Variants in DCAF8L2 observed in about 807,000 individuals in gnomAD.
DCAF8L2 encodes DDB1 and CUL4 associated factor 8 like 2, also known as DDB1- and CUL4-associated factor 8-like protein 2.
For missense variants in DCAF8L2, 430 were observed against 490.7 expected, an observed-to-expected ratio of 0.88 and a Z score of 1.17; for synonymous variants, 200 against 190.9, an observed-to-expected ratio of 1.05 and a Z score of -0.39.
the DCAF8L2 span, among the ~76,000 whole-genome samples, chrX:27,523,941 T>C: frequency 4.1e-3 from 460 of 111,739 alleles, 1 homozygote; most frequent in African/African-American, 0.014. Context: ...CGGTATTTTA[T>C]TGAGGATTTC....
intron 3 of DCAF8L2, among the ~76,000 whole-genome samples, chrX:27,701,150 A>G (rs1429672342): frequency 6.3e-5 from 7 of 111,520 alleles, no homozygotes; most frequent in Non-Finnish European, 1.3e-4. Flanking sequence ...AGTATAATTC[A>G]GGGCAGAGTT....
the DCAF8L2 span, among the ~76,000 whole-genome samples, chrX:27,551,357 C>A: frequency 3.6e-5 from 4 of 110,221 alleles, no homozygotes; most frequent in Non-Finnish European, 7.6e-5. Context: ...TTATGACTCA[C>A]CAAAGGCTGA....
chrX:27,696,148 GAGAT>G (rs2147260444), intron 3 of DCAF8L2, among the ~76,000 whole-genome samples: 1 of 106,163 alleles, frequency 9.4e-6, no homozygotes, highest in South Asian at 4.4e-4. Flanking sequence ...GCACTGAGCT[GAGAT>G]CATGCCACTG....
chrX:27,559,206 C>A, the DCAF8L2 span, among the ~76,000 whole-genome samples: 372 of 111,151 alleles, frequency 3.3e-3, 1 homozygote, highest in African/African-American at 0.011. Flanking sequence ...TATAGCATTG[C>A]GAAAAGGGAC....
intron 2 of DCAF8L2, among the ~76,000 whole-genome samples, chrX:27,668,907 C>T (rs1469105625): frequency 9.2e-5 from 10 of 108,384 alleles, no homozygotes. Context: ...TGCACTCCAG[C>T]CTGGTTGACA....
chrX:27,497,553 T>TTCCTTCCTTCC, the DCAF8L2 span, among the ~76,000 whole-genome samples: 1 of 32,611 alleles, frequency 3.1e-5, no homozygotes, highest in Admixed American at 3.7e-4. Context: ...TCCTTCCTTC[T>TTCCTTCCTTCC]TTCTTTCTTT....
At chrX:27,552,355 TA>T in the DCAF8L2 span, among the ~76,000 whole-genome samples, 12 of 111,397 alleles carry the variant, frequency 1.1e-4, no homozygotes, top group Non-Finnish European at 2.3e-4. Context: ...TGTAGTCTTA[TA>T]AAAAAAATCC....
chrX:27,469,425 A>C, the DCAF8L2 span, among the ~76,000 whole-genome samples: 1 of 112,050 alleles, frequency 8.9e-6, no homozygotes, highest in Non-Finnish European at 1.9e-5. Context: ...AAAAATGCTC[A>C]ATTTTTGCCT....
At chrX:27,684,412 A>G (rs917821041) in intron 3 of DCAF8L2, among the ~76,000 whole-genome samples, 3 of 112,328 alleles carry the variant, frequency 2.7e-5, no homozygotes, top group African/African-American at 9.7e-5. Context: ...TTAAAACTCA[A>G]TAAATTGTTG....
At chrX:27,520,700 A>G in the DCAF8L2 span, among the ~76,000 whole-genome samples, 1 of 112,206 alleles carries the variant, frequency 8.9e-6, no homozygotes, top group East Asian at 2.8e-4. Flanking sequence ...CCTATCTGTT[A>G]AATAATAAAG....
chrX:27,517,454 A>G, the DCAF8L2 span, among the ~76,000 whole-genome samples: 1 of 110,281 alleles, frequency 9.1e-6, no homozygotes, highest in Non-Finnish European at 1.9e-5. Flanking sequence ...GAAACCACAC[A>G]TACGCATTTG....
the DCAF8L2 span, among the ~76,000 whole-genome samples, chrX:27,572,241 T>C: frequency 8.9e-6 from 1 of 111,784 alleles, no homozygotes; most frequent in Non-Finnish European, 1.9e-5. Context: ...GAGGGTCTGA[T>C]TGTTATCATA....
the DCAF8L2 span, among the ~76,000 whole-genome samples, chrX:27,489,612 C>T: frequency 8.9e-6 from 1 of 112,176 alleles, no homozygotes; most frequent in Admixed American, 9.4e-5. Context: ...AATAATGCTC[C>T]CATGACCTTC....
chrX:27,651,437 C>A (rs773730586), intron 2 of DCAF8L2, among the ~76,000 whole-genome samples: 2 of 107,094 alleles, frequency 1.9e-5, no homozygotes, highest in African/African-American at 6.8e-5. Flanking sequence ...TCAATGGCTT[C>A]TTGCATGTAA....
rs907557887 is a variant in DCAF8L2, at chrX:27,694,380, A to G, written c.-143+16468A>G. Among the ~76,000 whole-genome samples, 4 of 112,015 alleles carry G rather than the reference A, an allele frequency of 3.6e-5. No individual in the cohort carries two copies. The Admixed American group carries it at 3.8e-4, about 11-fold the overall frequency. ...AAAAATGGAAATTATTTTTTAAAAT[A>G]ATAATTTCCTCTATTTTTATCTTTA... is the stretch of plus-strand genomic sequence containing the variant. On this transcript the variant is annotated intron_variant, in intron 3 of 4. Transcript: ENST00000451261.
At chrX:27,598,865 G>A (rs1248542929) in intron 1 of DCAF8L2, among the ~76,000 whole-genome samples, 1 of 109,114 alleles carries the variant, frequency 9.2e-6, no homozygotes, top group East Asian at 2.8e-4. Context: ...TGAAAGATAA[G>A]TGTTGGTAAG....
At chrX:27,603,891 T>G (rs1419081567) in intron 1 of DCAF8L2, among the ~76,000 whole-genome samples, 1 of 111,838 alleles carries the variant, frequency 8.9e-6, no homozygotes, top group South Asian at 3.7e-4. Flanking sequence ...ATCTTGAAAA[T>G]TTTTTCACAC....
chrX:27,627,073 C>CAAAAAA (rs766269451), intron 1 of DCAF8L2, among the ~76,000 whole-genome samples: 7 of 30,710 alleles, frequency 2.3e-4, no homozygotes, highest in Admixed American at 3.9e-4. Context: ...ATGTTAAGAC[C>CAAAAAA]AAAAAAAAAA....
the DCAF8L2 span, among the ~76,000 whole-genome samples, chrX:27,532,557 T>C: frequency 9.0e-6 from 1 of 110,518 alleles, no homozygotes; most frequent in African/African-American, 3.3e-5. Context: ...ATTTGGCAGC[T>C]ATCATAGCAG....
Sources: allele counts gnomAD v4.1 joint callset (sites outside exome capture counted in the v4.1 genomes callset), GRCh38; gene constraint gnomAD v4.1.1; transcripts MANE v1.5; gene names NCBI Gene and HGNC (gene_info 2026-07-23, HGNC 2026-07-21).